SKIC3: variants seen among roughly 807,000 people sequenced by gnomAD.
SKIC3 encodes the protein SKI3 subunit of superkiller complex.
the SKIC3 span, among the ~76,000 whole-genome samples, chr5:95,474,808 A>G: frequency 6.6e-6 from 1 of 152,208 alleles, no homozygotes; most frequent in Non-Finnish European, 1.5e-5. Flanking sequence ...ATTTTAAAAC[A>G]TTCGCTTTTC....
chr5:95,552,196 A>G, the SKIC3 span, among the ~76,000 whole-genome samples: 3 of 152,190 alleles, frequency 2.0e-5, no homozygotes, highest in African/African-American at 7.2e-5. Context: ...CATAAGAAGC[A>G]TCTGTATTCC....
the SKIC3 span, among the ~76,000 whole-genome samples, chr5:95,485,799 A>G: frequency 6.6e-6 from 1 of 152,176 alleles, no homozygotes; most frequent in Non-Finnish European, 1.5e-5. Context: ...AAAGGAACCA[A>G]ATAGCAAGTA....
the SKIC3 span, among the ~76,000 whole-genome samples, chr5:95,504,353 CT>C: frequency 6.6e-6 from 1 of 151,744 alleles, no homozygotes; most frequent in African/African-American, 2.4e-5. Flanking sequence ...AAAATTTACA[CT>C]AAGTTTCTTT....
the SKIC3 span, chr5:95,509,528 A>C: frequency 2.3e-4 from 283 of 1,209,726 alleles, no homozygotes; most frequent in Non-Finnish European, 3.0e-4. Flanking sequence ...CAGGCCAGTC[A>C]GAGATTCTCC....
At chr5:95,492,620 G>T in the SKIC3 span, among the ~76,000 whole-genome samples, 2 of 77,800 alleles carry the variant, frequency 2.6e-5, no homozygotes, top group Non-Finnish European at 2.4e-5. Flanking sequence ...CTGGGCGACA[G>T]AGCGAGACTC....
the SKIC3 span, chr5:95,523,949 A>G: frequency 8.9e-7 from 1 of 1,120,756 alleles, no homozygotes. Context: ...TTCATTAAAC[A>G]TACAAAAATA....
chr5:95,517,974 G>A, the SKIC3 span, among the ~76,000 whole-genome samples: 1 of 151,874 alleles, frequency 6.6e-6, no homozygotes, highest in Non-Finnish European at 1.5e-5. Context: ...CTTGCATTCT[G>A]CCCTTCTGCC....
chr5:95,504,371 T>C, the SKIC3 span, among the ~76,000 whole-genome samples: 16 of 152,002 alleles, frequency 1.1e-4, no homozygotes, highest in East Asian at 2.3e-3. Flanking sequence ...CTTTTGATAA[T>C]TTCATGTGTA....
the SKIC3 span, chr5:95,517,094 C>T: frequency 1.2e-6 from 2 of 1,613,368 alleles, no homozygotes; most frequent in Admixed American, 3.3e-5. Context: ...TTTTTTGTTA[C>T]AATGCCTTAA....
chr5:95,528,022 C>G, the SKIC3 span: 7 of 1,613,496 alleles, frequency 4.3e-6, no homozygotes, highest in Non-Finnish European at 5.9e-6. Flanking sequence ...CCTGATCAAG[C>G]GTACGAATTG....
At chr5:95,465,987 A>T in the SKIC3 span, among the ~76,000 whole-genome samples, 1 of 152,182 alleles carries the variant, frequency 6.6e-6, no homozygotes, top group African/African-American at 2.4e-5. Flanking sequence ...TTGATTTGGA[A>T]TATGTTGATT....
At chr5:95,520,338 T>C in the SKIC3 span, among the ~76,000 whole-genome samples, 1 of 151,470 alleles carries the variant, frequency 6.6e-6, no homozygotes, top group African/African-American at 2.4e-5. Flanking sequence ...TACCACTGAA[T>C]GTACAGCATA....
chr5:95,530,295 C>T, the SKIC3 span: 1 of 1,579,632 alleles, frequency 6.3e-7, no homozygotes, highest in Non-Finnish European at 8.6e-7. Flanking sequence ...AACCCATATT[C>T]TTAAATCTCA....
chr5:95,487,779 G>A, the SKIC3 span, among the ~76,000 whole-genome samples: 1 of 152,118 alleles, frequency 6.6e-6, no homozygotes, highest in Non-Finnish European at 1.5e-5. Flanking sequence ...ACAAGAAAAA[G>A]CAAGGAAATA....
chr5:95,488,370 C>G, the SKIC3 span, among the ~76,000 whole-genome samples: 1 of 152,106 alleles, frequency 6.6e-6, no homozygotes, highest in Non-Finnish European at 1.5e-5. Flanking sequence ...AAGATGTTCT[C>G]CATGGCACAC....
chr5:95,475,776 T>C, the SKIC3 span, among the ~76,000 whole-genome samples: 1 of 152,218 alleles, frequency 6.6e-6, no homozygotes, highest in Non-Finnish European at 1.5e-5. Context: ...CACAGGCGTA[T>C]ACATTAGCAA....
At chr5:95,525,379 G>A in the SKIC3 span, 162 of 1,603,910 alleles carry the variant, frequency 1.0e-4, no homozygotes, top group Non-Finnish European at 1.7e-5. Context: ...GGTTCTATGA[G>A]CAATTTATAT....
the SKIC3 span, chr5:95,537,261 C>G: frequency 6.6e-6 from 6 of 908,314 alleles, no homozygotes; most frequent in Non-Finnish European, 1.0e-5. Context: ...TACAGTCTAA[C>G]CCTGACAACT....
the SKIC3 span, among the ~76,000 whole-genome samples, chr5:95,466,402 A>C: frequency 6.6e-6 from 1 of 152,188 alleles, no homozygotes; most frequent in Admixed American, 6.5e-5. Flanking sequence ...GGCTGCAAAA[A>C]TACAACTAAC....
Sources: gnomAD v4.1 joint callset for allele counts (sites outside exome capture counted in the v4.1 genomes callset) on GRCh38, gnomAD v4.1.1 for gene constraint, MANE v1.5 for transcripts, NCBI Gene and HGNC (gene_info 2026-07-23, HGNC 2026-07-21) for gene names.